Variants in SNTB1 observed in about 807,000 individuals in gnomAD.
The protein encoded by SNTB1 is syntrophin beta 1, also known as beta-1-syntrophin.
A neutral mutation model predicts 48.9 loss-of-function variants in SNTB1; 36 were observed. That is an observed-to-expected ratio of 0.74 (90% CI 0.56 to 0.97). The LOEUF (loss-of-function observed/expected upper bound fraction) is 0.97, where lower values mean the gene tolerates loss of function less well. SNTB1 is among the 50% of genes least tolerant of loss of function. The probability of loss-of-function intolerance (pLI) is 0.00; values close to 1 mark genes in which losing one functional copy is unlikely to be tolerated. For missense variants in SNTB1, 786 were observed against 703.4 expected (o/e 1.12, Z -1.33); for synonymous variants, 299 against 294.6 (o/e 1.01, Z -0.15).
At chr8:120,754,416 T>G (rs1454662770) in intron 1 of SNTB1, among the ~76,000 whole-genome samples, 1 of 151,952 alleles carries the variant, frequency 6.6e-6, no homozygotes, top group Non-Finnish European at 1.5e-5. Flanking sequence ...GGAGAATTGC[T>G]TGAGCTATAG....
chr8:120,777,668 G>A (rs994403527), intron 1 of SNTB1, among the ~76,000 whole-genome samples: 1 of 152,154 alleles, frequency 6.6e-6, no homozygotes, highest in Non-Finnish European at 1.5e-5. Context: ...CAGGTGACTG[G>A]AAAACATTAT....
chr8:120,658,800 A>G (rs1472427524), intron 2 of SNTB1, among the ~76,000 whole-genome samples: 1 of 152,164 alleles, frequency 6.6e-6, no homozygotes, highest in Non-Finnish European at 1.5e-5. Flanking sequence ...AAATAAGACA[A>G]GGAAGTCTGC....
In SNTB1 at chr8:120,801,910, G is replaced by A. The variant is rs546696046; in HGVS notation, c.571+9363C>T. Among the ~76,000 whole-genome samples, 37 of 152,178 alleles carry A rather than the reference G, an allele frequency of 2.4e-4. 1 individual carries two copies. The South Asian group carries it at 7.5e-3, about 31-fold the overall frequency. On this transcript the variant is annotated intron_variant, in intron 1 of 6. Transcript: ENST00000517992. Reference sequence around the variant, plus strand: ...CCTTCCTTCTACTAGGACCAAATTCGAGACCTGCAAGTTCCTTTGTTGCAA... The same window carrying A: ...CCTTCCTTCTACTAGGACCAAATTCAAGACCTGCAAGTTCCTTTGTTGCAA...
intron 3 of SNTB1, among the ~76,000 whole-genome samples, chr8:120,584,296 G>T (rs1480394787): frequency 6.6e-6 from 1 of 151,978 alleles, no homozygotes; most frequent in Non-Finnish European, 1.5e-5. Context: ...ACAAAAATTA[G>T]TTGGGCCTGG....
intron 1 of SNTB1, among the ~76,000 whole-genome samples, chr8:120,743,494 G>A (rs1819077998): frequency 6.6e-6 from 1 of 152,200 alleles, no homozygotes; most frequent in Non-Finnish European, 1.5e-5. Flanking sequence ...AAGGGGTCAT[G>A]CAAAGACCTG....
At chr8:120,697,875 T>C (rs981254200) in intron 1 of SNTB1, among the ~76,000 whole-genome samples, 4 of 152,114 alleles carry the variant, frequency 2.6e-5, no homozygotes, top group African/African-American at 9.7e-5. Flanking sequence ...ATTACCAGAA[T>C]TGAAACTTCC....
At chr8:120,701,111 A>G (rs1006984880) in intron 1 of SNTB1, among the ~76,000 whole-genome samples, 3 of 152,230 alleles carry the variant, frequency 2.0e-5, no homozygotes, top group Non-Finnish European at 2.9e-5. Context: ...AAAATGCAAT[A>G]TAAGATTTAC....
intron 1 of SNTB1, among the ~76,000 whole-genome samples, chr8:120,736,208 T>C (rs566112584): frequency 3.7e-4 from 57 of 152,120 alleles, no homozygotes; most frequent in Non-Finnish European, 7.3e-4. Flanking sequence ...CATGATTCAA[T>C]TACCCCTACC....
At chr8:120,578,091 G>A (rs922654285) in intron 3 of SNTB1, among the ~76,000 whole-genome samples, 2 of 152,166 alleles carry the variant, frequency 1.3e-5, no homozygotes, top group Admixed American at 1.3e-4. Flanking sequence ...GGAGTGCAGT[G>A]GTGCGATCTC....
chr8:120,677,366 T>C (rs1817854545), intron 2 of SNTB1, among the ~76,000 whole-genome samples: 1 of 152,214 alleles, frequency 6.6e-6, no homozygotes, highest in Non-Finnish European at 1.5e-5. Flanking sequence ...CTGTGTTTTC[T>C]GGAGAAATTA....
chr8:120,676,814 G>A (rs990896121), intron 2 of SNTB1, among the ~76,000 whole-genome samples: 1 of 152,066 alleles, frequency 6.6e-6, no homozygotes, highest in Non-Finnish European at 1.5e-5. Context: ...TCAGCATTTT[G>A]GGAGGCTGAG....
intron 2 of SNTB1, among the ~76,000 whole-genome samples, chr8:120,653,844 C>T (rs1348425802): frequency 6.6e-6 from 1 of 151,594 alleles, no homozygotes; most frequent in Non-Finnish European, 1.5e-5. Context: ...TCGAGACCAT[C>T]CTGGCTAACA....
At chr8:120,588,330 G>C (rs1276989056) in intron 3 of SNTB1, among the ~76,000 whole-genome samples, 4 of 149,612 alleles carry the variant, frequency 2.7e-5, no homozygotes, top group African/African-American at 9.9e-5. Context: ...TTTACCATAT[G>C]AACAAAACAT....
rs1192273377 is a variant in SNTB1 at position 120,669,608 on chromosome 8, G to A, written c.788+24084C>T. On this transcript the variant is annotated intron_variant, in intron 2 of 6. Coordinates refer to ENST00000517992, the MANE Select transcript of SNTB1 (RefSeq NM_021021.4). Reference sequence around the variant, plus strand: ...GCTGGGACTACAGGCGCCTGCCACCGCGCCCGGCTAATTTTTTGTATTTTT... The same window carrying A: ...GCTGGGACTACAGGCGCCTGCCACCACGCCCGGCTAATTTTTTGTATTTTT... 1.0e-4 allele frequency among the ~76,000 whole-genome samples: 9 copies of A among 87,740 alleles called. 3 individuals carry two copies. The highest frequency in any genetic ancestry group is 2.7e-4 in the African/African-American group (2 of 7,484). 57.6% of individuals were successfully genotyped at this position (87,740 alleles called of 152,430 possible). A position where few individuals can be genotyped will look rare whatever the true frequency, so the allele number is the denominator to read the frequency against.
At chr8:120,644,418 T>C (rs1433719702) in intron 2 of SNTB1, among the ~76,000 whole-genome samples, 1 of 150,112 alleles carries the variant, frequency 6.7e-6, no homozygotes, top group Non-Finnish European at 1.5e-5. Context: ...CGATGTTTGG[T>C]TTTTTGTTCT....
chr8:120,575,056 A>C (rs766198690), intron 4 of SNTB1, 30 bp downstream of exon 4: 2 of 1,613,966 alleles, frequency 1.2e-6, no homozygotes, highest in Non-Finnish European at 1.7e-6. Flanking sequence ...ACCTGCAAAC[A>C]CATCATACCA....
chr8:120,779,512 GAAATA>G (rs201161763), intron 1 of SNTB1, among the ~76,000 whole-genome samples: 2 of 151,836 alleles, frequency 1.3e-5, no homozygotes, highest in Non-Finnish European at 2.9e-5. Flanking sequence ...AAAATAAAAT[GAAATA>G]AAATAAAATA....
chr8:120,754,243 A>G (rs1365086774), intron 1 of SNTB1, among the ~76,000 whole-genome samples: 3 of 152,146 alleles, frequency 2.0e-5, no homozygotes, highest in Non-Finnish European at 4.4e-5. Flanking sequence ...AAGTTCTCCC[A>G]GCACTTTAGG....
At chr8:120,787,866 G>T (rs1819949110) in intron 1 of SNTB1, among the ~76,000 whole-genome samples, 1 of 152,104 alleles carries the variant, frequency 6.6e-6, no homozygotes, top group Non-Finnish European at 1.5e-5. Flanking sequence ...CCAAATAAAA[G>T]ATGATCAAAT....
Sources: gnomAD v4.1 joint callset for allele counts (sites outside exome capture counted in the v4.1 genomes callset) on GRCh38, gnomAD v4.1.1 for gene constraint, MANE v1.5 for transcripts, NCBI Gene and HGNC (gene_info 2026-07-23, HGNC 2026-07-21) for gene names.